The following ADCY9 variants were observed in gnomAD, a reference collection of about 807,000 sequenced individuals.
The protein encoded by ADCY9 is adenylate cyclase type 9.
In ADCY9, 50 loss-of-function variants were observed where a neutral mutation model predicts 101.5. That is an observed-to-expected ratio of 0.49 (90% CI 0.39 to 0.62). The LOEUF is 0.62. ADCY9 is among the 20% of genes least tolerant of loss of function. The pLI is 0.00. For missense variants in ADCY9, 1,662 were observed against 1,800.4 expected (o/e 0.92, Z 1.39); for synonymous variants, 905 against 769.3 (o/e 1.18, Z -2.92).
intron 2 of ADCY9, among the ~76,000 whole-genome samples, chr16:4,102,031 G>A (rs1261940227): frequency 4.6e-5 from 7 of 152,204 alleles, no homozygotes; most frequent in Non-Finnish European, 8.8e-5. Flanking sequence ...AGTCCCTAGT[G>A]TGTTCTAGGT....
chr16:4,100,053 T>C (rs1244454323), intron 2 of ADCY9, among the ~76,000 whole-genome samples: 2 of 152,138 alleles, frequency 1.3e-5, no homozygotes, highest in Non-Finnish European at 2.9e-5. Context: ...GGGAGGGACC[T>C]GGTGGGAGGG....
intron 3 of ADCY9, among the ~76,000 whole-genome samples, chr16:4,002,173 CT>C (rs1345161520): frequency 6.6e-6 from 1 of 152,222 alleles, no homozygotes; most frequent in Admixed American, 6.5e-5. Context: ...AGCATCACCA[CT>C]ATCAATTCAG....
chr16:4,033,678 G>A (rs1362921576), intron 2 of ADCY9, among the ~76,000 whole-genome samples: 1 of 152,144 alleles, frequency 6.6e-6, no homozygotes. Context: ...GCCTCCCAAA[G>A]TGCTGGGATT....
At chr16:4,020,500 G>C (rs1264472816) in intron 2 of ADCY9, among the ~76,000 whole-genome samples, 1 of 152,150 alleles carries the variant, frequency 6.6e-6, no homozygotes, top group Non-Finnish European at 1.5e-5. Context: ...AGAGTACCCT[G>C]TATATTAATA....
intron 2 of ADCY9, among the ~76,000 whole-genome samples, chr16:4,014,067 C>T (rs940800673): frequency 3.3e-5 from 5 of 152,110 alleles, no homozygotes; most frequent in African/African-American, 2.4e-5. Flanking sequence ...TCCTGTAATC[C>T]CAGCACTTAG....
At chr16:3,996,245 C>T (rs1383172193) in intron 3 of ADCY9, among the ~76,000 whole-genome samples, 1 of 152,094 alleles carries the variant, frequency 6.6e-6, no homozygotes, top group East Asian at 1.9e-4. Context: ...GCCTGTGGTC[C>T]CAGCCACTCG....
intron 2 of ADCY9, among the ~76,000 whole-genome samples, chr16:4,107,813 T>C (rs2057087555): frequency 6.6e-6 from 1 of 151,896 alleles, no homozygotes; most frequent in Non-Finnish European, 1.5e-5. Context: ...ATGAGACAGG[T>C]GTTTGTTTGC....
rs771932084 is a variant in ADCY9 at position 4,018,214 on chromosome 16, CT to C, written c.1694-10657del. ...GCTCTAAGTTGCGGAATATTCTTCT[CT>C]TTTTTTTTTTTTTTTTGAGATGGAG... On this transcript the variant is annotated intron_variant, in intron 2 of 10. Transcript: ENST00000294016. Among the ~76,000 whole-genome samples the C allele has an allele frequency of 6.4e-3, 906 of 141,336 alleles. 3 individuals carry two copies. The highest frequency in any genetic ancestry group is 0.014 in the African/African-American group (555 of 38,678). The allele number at this position is 141,336 out of a possible 152,430, so 92.7% of individuals were successfully genotyped here. A position where few individuals can be genotyped will look rare whatever the true frequency, so the allele number is the denominator to read the frequency against.
At chr16:4,084,507 C>G (rs1315956479) in intron 2 of ADCY9, among the ~76,000 whole-genome samples, 3 of 151,998 alleles carry the variant, frequency 2.0e-5, no homozygotes, top group African/African-American at 7.2e-5. Context: ...GGGGGTATTG[C>G]TTGAGGCCAG....
At position 4,114,630 on chromosome 16, in the gene ADCY9, C is replaced by T. The variant is rs148841917; in HGVS notation, c.813G>A (p.Ser271=). ...CCCAGTGCAGGGCCCCGGCTCCGGG[C>T]GAGGGGAAGCAGGCTTCATCCCGGA... ...YHFRDEACFP[S]PGAGALHWEL... Residue 271 remains serine (S), a synonymous_variant, in exon 2 of 11, where the codon TCG becomes TCA. Transcript: ENST00000294016. This position sits in a 1 kb window ranked among gnomAD's most constrained non-coding sequence, Gnocchi z 4.3. The T allele has an allele frequency of 4.1e-4, 654 of 1,613,512 alleles. 2 individuals carry two copies. In the African/African-American group the frequency reaches 7.8e-3, roughly 19 times the overall value.
rs1345299767 is a variant in ADCY9, at chr16:4,115,926, G to A, written c.-280C>T. 1 of 387,720 alleles carries A rather than the reference G, an allele frequency of 2.6e-6. No homozygotes were observed. The highest frequency in any genetic ancestry group is 4.5e-5 in the Admixed American group (1 of 22,308). 24.0% of individuals were successfully genotyped at this position (387,720 alleles called of 1,614,324 possible). On this transcript the variant is annotated 5_prime_UTR_variant, in exon 1 of 11. Coordinates refer to ENST00000294016, the MANE Select transcript of ADCY9 (RefSeq NM_001116.4). The surrounding 1 kb of genome is among the most constrained non-coding windows in gnomAD (Gnocchi z 6.2). ...CTGGCGGCGCGGAGCCCTCCATCCT[G>A]CAGGAGCCGCGCTCCGATGCGTCAA...
At chr16:4,023,948 C>T (rs1454308402) in intron 2 of ADCY9, among the ~76,000 whole-genome samples, 1 of 152,176 alleles carries the variant, frequency 6.6e-6, no homozygotes, top group African/African-American at 2.4e-5. Flanking sequence ...GCTAGGCACA[C>T]ACAAGAGCTC....
intron 10 of ADCY9, among the ~76,000 whole-genome samples, 175 bp downstream of exon 10, chr16:3,974,494 A>AT (rs2056077723): frequency 6.6e-6 from 1 of 152,214 alleles, no homozygotes; most frequent in Non-Finnish European, 1.5e-5. Flanking sequence ...TTTCCCCATT[A>AT]GACATTATAA....
chr16:4,012,371 T>C (rs186186530), intron 2 of ADCY9, among the ~76,000 whole-genome samples: 173 of 151,724 alleles, frequency 1.1e-3, no homozygotes, highest in African/African-American at 3.5e-3. Flanking sequence ...CCAGCGAAAG[T>C]CTTAAGTCAG....
chr16:4,066,333 T>G (rs922978010), intron 2 of ADCY9, among the ~76,000 whole-genome samples: 3 of 152,208 alleles, frequency 2.0e-5, no homozygotes. Context: ...TCCCACTCCT[T>G]GAGTATATTT....
chr16:4,098,967 G>A (rs1051214429), intron 2 of ADCY9, among the ~76,000 whole-genome samples: 3 of 151,862 alleles, frequency 2.0e-5, no homozygotes, highest in African/African-American at 4.8e-5. Context: ...AGTTCTCACC[G>A]TGTCACCCAG....
rs555400948 is a variant in ADCY9, at chr16:3,971,684, G to A, written c.2870+2985C>T. ...GGGGAAGGTTTTGTGAGCCCCGCTC[G>A]TTGGGTTAGGAGTTGACCTTTCTTT... On this transcript the variant is annotated intron_variant, in intron 10 of 10. Transcript: ENST00000294016. Among the ~76,000 whole-genome samples the A allele has an allele frequency of 4.2e-4, 64 of 152,280 alleles. 2 individuals carry two copies. Among genetic ancestry groups the A allele is most frequent in the South Asian group, 8.3e-4 (4 of 4,816 alleles).
At chr16:4,077,139 C>A (rs1019882070) in intron 2 of ADCY9, among the ~76,000 whole-genome samples, 5 of 151,714 alleles carry the variant, frequency 3.3e-5, no homozygotes, top group Non-Finnish European at 7.4e-5. Flanking sequence ...AGCATGCGGA[C>A]TCACTGGACT....
At chr16:4,017,972 G>C (rs766347590) in intron 2 of ADCY9, among the ~76,000 whole-genome samples, 1 of 152,192 alleles carries the variant, frequency 6.6e-6, no homozygotes, top group Non-Finnish European at 1.5e-5. Context: ...CACGCCAGAC[G>C]CTTGGCCACA....
Sources: allele counts gnomAD v4.1 joint callset (sites outside exome capture counted in the v4.1 genomes callset), GRCh38; gene constraint gnomAD v4.1.1; non-coding constraint Gnocchi (gnomAD v3.1); transcripts MANE v1.5; gene names NCBI Gene and HGNC (gene_info 2026-07-23, HGNC 2026-07-21).